Variants in KL observed in about 807,000 individuals in gnomAD.
KL encodes alpha-klotho.
Under a neutral mutation model 84.2 loss-of-function variants are expected in KL, and 62 were observed. The observed-to-expected ratio is 0.74, with a 90% confidence interval of 0.60 to 0.91. The LOEUF is 0.91. KL is among the 40% of genes least tolerant of loss of function. The pLI, the probability that KL is intolerant of heterozygous loss-of-function variation, is 0.00. For synonymous variants in KL, 528 were observed against 528.0 expected, an observed-to-expected ratio of 1.00 and a Z score of 0.00; for missense variants, 1,261 against 1,305.7, an observed-to-expected ratio of 0.97 and a Z score of 0.53.
rs758703492 is a variant in KL at position 33,061,524 on chromosome 13, C to T, written c.2445C>T (p.Asp815=). The change falls in exon 4 of 5, where the codon GAC becomes GAT. Residue 815 remains aspartate, a synonymous_variant. Coordinates refer to ENST00000380099, the MANE Select transcript of KL (RefSeq NM_004795.4). ...ALSHYTTILV[D]SEKEDPIKYN... ...GCCATTATACCACCATCCTTGTAGA[C>T]TCAGAAAAAGAAGATCCAATAAAAT... is the stretch of plus-strand genomic sequence containing the variant. 6.2e-7 allele frequency: 1 copy of T among 1,614,170 alleles called. No individual in the cohort carries two copies. Among genetic ancestry groups the T allele is most frequent in the Non-Finnish European group, 8.5e-7 (1 of 1,180,026 alleles).
chr13:33,028,681 G>A (rs1415357708), intron 1 of KL, among the ~76,000 whole-genome samples: 1 of 152,146 alleles, frequency 6.6e-6, no homozygotes, highest in African/African-American at 2.4e-5. Context: ...GGAAGAATTA[G>A]CCACAGTCCC....
intron 1 of KL, among the ~76,000 whole-genome samples, chr13:33,042,590 G>A (rs1871376031): frequency 6.6e-6 from 1 of 152,164 alleles, no homozygotes; most frequent in Admixed American, 6.5e-5. Flanking sequence ...GTATTCCATT[G>A]TATAAACAAA....
At chr13:33,052,219 C>T (rs1440042889) in intron 1 of KL, among the ~76,000 whole-genome samples, 3 of 152,148 alleles carry the variant, frequency 2.0e-5, no homozygotes, top group Non-Finnish European at 4.4e-5. Context: ...GCTGGGATTT[C>T]GGCCTCCCAA....
rs754451025 is a variant in KL, at chr13:33,060,777, G to T, written c.1698G>T (p.Lys566Asn). 2 of 1,614,246 alleles carry T rather than the reference G, an allele frequency of 1.2e-6. No individual in the cohort carries two copies. The highest frequency in any genetic ancestry group is 2.7e-5 in the African/African-American group (2 of 75,068). The part of the protein sequence containing the change: ...RLIKVDGVVT[K>N]KRKSYCVDFA... ...TTAAAGTGGATGGGGTTGTGACCAA[G>T]AAGAGGAAATCCTACTGTGTTGACT... The change falls in exon 4 of 5, where the codon AAG (lysine) becomes AAT (asparagine). Residue 566 changes from lysine (K) to asparagine (N), a missense_variant. By Grantham distance (94) the Lys-to-Asn change is moderately conservative. Coordinates refer to ENST00000380099, the MANE Select transcript of KL (RefSeq NM_004795.4).
At chr13:33,027,888 A>C (rs404206) in intron 1 of KL, among the ~76,000 whole-genome samples, 47,598 of 152,120 alleles carry the variant, frequency 0.31, 8,731 homozygotes, top group Admixed American at 0.43. Context: ...TGTACAAGAA[A>C]TTTATTGGGG....
intron 1 of KL, among the ~76,000 whole-genome samples, chr13:33,034,574 C>T (rs1485079826): frequency 1.3e-5 from 2 of 152,126 alleles, no homozygotes; most frequent in Non-Finnish European, 2.9e-5. Flanking sequence ...ATCTCCTCTC[C>T]GTGGCACCCC....
In KL at chr13:33,016,568, C is replaced by A; in HGVS notation, c.128C>A (p.Ala43Asp). 6.8e-7 allele frequency: 1 copy of A among 1,478,308 alleles called. No individual in the cohort carries two copies. The highest frequency in any genetic ancestry group is 9.0e-7 in the Non-Finnish European group (1 of 1,117,264). The allele number at this position is 1,478,308 out of a possible 1,614,324, so 91.6% of individuals were successfully genotyped here. ...AEPGDGAQTWARFSRPPAPEA... is the reference protein window; with the variant it reads ...AEPGDGAQTWDRFSRPPAPEA... The stretch of plus-strand genomic sequence containing the variant: ...CCGGGCGACGGCGCGCAGACCTGGG[C>A]CCGTTTCTCGCGGCCTCCTGCCCCC... The change falls in exon 1 of 5, where the codon GCC (alanine) becomes GAC (aspartate). Residue 43 changes from alanine (A) to aspartate (D), a missense_variant. By Grantham distance (126) the Ala-to-Asp change is moderately radical (BLOSUM62 -2). Coordinates refer to ENST00000380099, the MANE Select transcript of KL (RefSeq NM_004795.4).
In KL at chr13:33,053,909, A is replaced by C. The variant is rs1171305203; in HGVS notation, c.962A>C (p.Asp321Ala). The change falls in exon 2 of 5, where the codon GAC becomes GCC. Residue 321 changes from aspartate (D) to alanine (A), a missense_variant. Transcript: ENST00000380099. ...ATCAAAGAATGTCAAAAATCTCTGG[A>C]CTTTGTACTAGGTTGGTTTGCCAAA... ...HSIKECQKSL[D>A]FVLGWFAKPV... The C allele has an allele frequency of 6.2e-7, 1 of 1,614,122 alleles. No homozygotes were observed. The highest frequency in any genetic ancestry group is 8.5e-7 in the Non-Finnish European group (1 of 1,180,014).
intron 1 of KL, among the ~76,000 whole-genome samples, chr13:33,023,547 A>G (rs1404116300): frequency 2.0e-5 from 3 of 152,224 alleles, no homozygotes; most frequent in Non-Finnish European, 4.4e-5. Context: ...GTATTTTTAC[A>G]TAAAACACAT....
At chr13:33,036,680 A>G (rs1044365433) in intron 1 of KL, among the ~76,000 whole-genome samples, 5 of 152,204 alleles carry the variant, frequency 3.3e-5, no homozygotes, top group Non-Finnish European at 7.4e-5. Context: ...AAATCAGTGG[A>G]TAATGGTAAA....
At chr13:33,057,311 C>G (rs1434508546) in intron 3 of KL, among the ~76,000 whole-genome samples, 1 of 152,072 alleles carries the variant, frequency 6.6e-6, no homozygotes, top group Non-Finnish European at 1.5e-5. Flanking sequence ...CCCTACTTCT[C>G]CTGTTCTATT....
intron 1 of KL, among the ~76,000 whole-genome samples, chr13:33,047,875 AT>A (rs1325086000): frequency 1.3e-5 from 2 of 151,962 alleles, no homozygotes; most frequent in East Asian, 3.8e-4. Flanking sequence ...TAGGGATTAC[AT>A]TATTTATTCT....
chr13:33,025,128 C>G (rs1870719645), intron 1 of KL, among the ~76,000 whole-genome samples: 2 of 152,102 alleles, frequency 1.3e-5, no homozygotes, highest in Admixed American at 1.3e-4. Context: ...CAAATAATTA[C>G]AGTAAAATGT....
At chr13:33,050,752 A>C (rs687045) in intron 1 of KL, among the ~76,000 whole-genome samples, 47,065 of 152,208 alleles carry the variant, frequency 0.31, 9,016 homozygotes, top group Admixed American at 0.45. Flanking sequence ...TGAGGTGAGC[A>C]GTTAATCCAA....
Position 33,016,916 on chromosome 13 carries a change from A to G in KL, c.476A>G (p.Asn159Ser), listed in dbSNP as rs200218010. ...FSISWARVLP[N>S]GSAGVPNREG... is the part of the protein sequence containing the mutation. ...ATCTCGTGGGCGCGAGTGCTCCCCA[A>G]TGGCAGCGCGGGCGTCCCCAACCGC... is the stretch of plus-strand genomic sequence containing the variant. The change falls in exon 1 of 5, where the codon AAT (asparagine) becomes AGT (serine). Residue 159 changes from asparagine (N) to serine (S), a missense_variant. Transcript: ENST00000380099. 1.4e-4 allele frequency: 219 copies of G among 1,611,310 alleles called. No homozygotes were observed. Among genetic ancestry groups the G allele is most frequent in the Non-Finnish European group, 1.7e-4 (199 of 1,179,476 alleles).
intron 4 of KL, among the ~76,000 whole-genome samples, chr13:33,062,277 GA>G (rs1227751467): frequency 6.6e-6 from 1 of 151,992 alleles, no homozygotes; most frequent in Non-Finnish European, 1.5e-5. Context: ...AGTTACTTGG[GA>G]GGAGAGGCGG....
chr13:33,055,075 C>T lies in KL; in HGVS notation c.1359C>T (p.Ile453=), dbSNP rs372540823. 3.2e-5 allele frequency: 51 copies of T among 1,614,158 alleles called. No individual in the cohort carries two copies. The African/African-American group carries it at 4.5e-4, about 14-fold the overall frequency. The change falls in exon 3 of 5, where the codon ATC becomes ATT. Residue 453 remains isoleucine (I), a synonymous_variant. Transcript: ENST00000380099. Reference sequence around the variant, plus strand: ...TCAAGCTGGATGGGGTGGATGTCATCGGGTATACCGCATGGTCCCTCATGG... The same window carrying T: ...TCAAGCTGGATGGGGTGGATGTCATTGGGTATACCGCATGGTCCCTCATGG... ...KAIKLDGVDV[I]GYTAWSLMDG...
At chr13:33,056,427 A>T (rs1411398479) in intron 3 of KL, among the ~76,000 whole-genome samples, 1 of 152,070 alleles carries the variant, frequency 6.6e-6, no homozygotes, top group East Asian at 1.9e-4. Flanking sequence ...TCCTTAGTAC[A>T]TTTTTTGCTG....
At chr13:33,063,042 G>A (rs779447269) in intron 4 of KL, among the ~76,000 whole-genome samples, 40 of 152,022 alleles carry the variant, frequency 2.6e-4, no homozygotes, top group Non-Finnish European at 3.4e-4. Context: ...GCCCTCTGAC[G>A]TCAAAAGACC....
Sources: gnomAD v4.1 joint callset for allele counts (sites outside exome capture counted in the v4.1 genomes callset) on GRCh38, gnomAD v4.1.1 for gene constraint, MANE v1.5 for transcripts, NCBI Gene and HGNC (gene_info 2026-07-23, HGNC 2026-07-21) for gene names.